Variants in OR9Q2 observed in about 807,000 individuals in gnomAD.
The protein encoded by OR9Q2 is olfactory receptor 9Q2.
In OR9Q2, 2 loss-of-function variants were observed where a neutral mutation model predicts 2.3. The ratio of observed to expected loss-of-function variants is 0.85; its 90% CI spans 0.35 to 2.68. OR9Q2 has a LOEUF of 2.68. Among genes scored for constraint, OR9Q2 ranks in the 30% most tolerant of loss-of-function variants. OR9Q2 has a pLI of 0.10. For synonymous variants in OR9Q2, 178 were observed against 158.6 expected (o/e 1.12, Z -0.92); for missense variants, 404 against 395.7 (o/e 1.02, Z -0.18).
chr11:58,193,293 G>A lies in OR9Q2; in HGVS notation c.*1858G>A, dbSNP rs1338589748. On this transcript the variant is annotated 3_prime_UTR_variant, in exon 2 of 2. Coordinates refer to ENST00000641291, the MANE Select transcript of OR9Q2 (RefSeq NM_001005283.3). ...AACAGTCCCTCCTGGGCCCAGATTA[G>A]CTCTAAACCTGGACATTTCCAGGAG... The A allele has an allele frequency of 6.6e-6, 1 of 152,200 alleles. No homozygotes were observed. Among genetic ancestry groups the A allele is most frequent in the African/African-American group, 2.4e-5 (1 of 41,526 alleles). 9.4% of individuals were successfully genotyped at this position (152,200 alleles called of 1,614,324 possible). A position where few individuals can be genotyped will look rare whatever the true frequency, so the allele number is the denominator to read the frequency against.
chr11:58,190,937 C>T lies in OR9Q2; in HGVS notation c.447C>T (p.Tyr149=), dbSNP rs151110433. ...KARWGLVTGA[Y]VAGFFSAFVR... ...GCTGGGGCCTAGTCACTGGGGCTTA[C>T]GTTGCTGGTTTTTTCAGTGCCTTTG... Residue 149 remains tyrosine (Y), a synonymous_variant, in exon 2 of 2, where the codon TAC becomes TAT. Transcript: ENST00000641291. 1.5e-5 allele frequency: 25 copies of T among 1,614,082 alleles called. No homozygotes were observed. Among genetic ancestry groups the T allele is most frequent in the Admixed American group, 5.0e-5 (3 of 60,006 alleles).
chr11:58,191,099 T>C lies in OR9Q2; in HGVS notation c.609T>C (p.Ala203=). ...YTQEVVIIVF[A]LFVMPACILV... ...AGGAAGTGGTGATTATTGTGTTTGC[T>C]CTTTTCGTCATGCCTGCCTGTATCT... The change falls in exon 2 of 2, where the codon GCT becomes GCC. Residue 203 remains alanine (A), a synonymous_variant. Coordinates refer to ENST00000641291, the MANE Select transcript of OR9Q2 (RefSeq NM_001005283.3). 1.9e-6 allele frequency: 3 copies of C among 1,614,226 alleles called. No individual in the cohort carries two copies. Among genetic ancestry groups the C allele is most frequent in the East Asian group, 2.2e-5 (1 of 44,880 alleles).
rs1288913776 is a variant in OR9Q2, at chr11:58,191,206, C to G, written c.716C>G (p.Ser239Cys). The change falls in exon 2 of 2, where the codon TCC (serine) becomes TGC (cysteine). Residue 239 changes from serine to cysteine, a missense_variant. Coordinates refer to ENST00000641291, the MANE Select transcript of OR9Q2 (RefSeq NM_001005283.3). ...GCTGGAGGCCGGGCCAAGACCTTCT[C>G]CACCTGCGCCTCCCACCTCACTGCC... The part of the protein sequence containing the change: ...HSAGGRAKTF[S>C]TCASHLTAVA... The G allele has an allele frequency of 1.2e-6, 2 of 1,614,180 alleles. No homozygotes were observed. Among genetic ancestry groups the G allele is most frequent in the Non-Finnish European group, 1.7e-6 (2 of 1,180,032 alleles).
rs1290577413 is a variant in OR9Q2 at position 58,191,448 on chromosome 11, G to A, written c.*13G>A. 1 of 1,504,870 alleles carries A rather than the reference G, an allele frequency of 6.6e-7. No homozygotes were observed. Among genetic ancestry groups the A allele is most frequent in the Non-Finnish European group, 9.0e-7 (1 of 1,107,754 alleles). 93.2% of individuals were successfully genotyped at this position (1,504,870 alleles called of 1,614,324 possible). ...TAGAAGACCCTAAATGGACCCTTGT[G>A]AAATATATCATTCCTTAGTTTCCCC... is the stretch of plus-strand genomic sequence containing the variant. On this transcript the variant is annotated 3_prime_UTR_variant, in exon 2 of 2. Transcript: ENST00000641291.
chr11:58,189,584 C>T (rs1037997547), intron 1 of OR9Q2, among the ~76,000 whole-genome samples: 1 of 152,176 alleles, frequency 6.6e-6, no homozygotes, highest in Admixed American at 6.5e-5. Flanking sequence ...CCCTCCTTTA[C>T]AGCCCTGTTC....
At position 58,191,172 on chromosome 11, in the gene OR9Q2, A is replaced by C; in HGVS notation, c.682A>C (p.Ile228Leu). ...GTTTATCATTGTGGCCATCCTGCAG[A>C]TCCACTCTGCTGGAGGCCGGGCCAA... is the stretch of plus-strand genomic sequence containing the variant. ...YLFIIVAILQ[I>L]HSAGGRAKTF... is the part of the protein sequence containing the mutation. The change falls in exon 2 of 2, where the codon ATC (isoleucine) becomes CTC (leucine). Residue 228 changes from isoleucine to leucine, a missense_variant. Transcript: ENST00000641291. 1 of 1,613,968 alleles carries C rather than the reference A, an allele frequency of 6.2e-7. No individual in the cohort carries two copies. The highest frequency in any genetic ancestry group is 8.5e-7 in the Non-Finnish European group (1 of 1,179,992).
At position 58,190,715 on chromosome 11, in the gene OR9Q2, C is replaced by T. The variant is rs148643067; in HGVS notation, c.225C>T (p.Ser75=). The part of the protein sequence containing the change: ...HLSLVDICYS[S]AIIPQMLAVL... The stretch of plus-strand genomic sequence containing the variant: ...CCTTGGTGGACATCTGCTACTCGTC[C>T]GCCATCATCCCTCAGATGCTGGCTG... The change falls in exon 2 of 2, where the codon TCC becomes TCT. Residue 75 remains serine (S), a synonymous_variant. Coordinates refer to ENST00000641291, the MANE Select transcript of OR9Q2 (RefSeq NM_001005283.3). The T allele has an allele frequency of 9.0e-5, 145 of 1,614,206 alleles. No homozygotes were observed. The African/African-American group carries it at 1.7e-3, about 19-fold the overall frequency.
Position 58,191,281 on chromosome 11 carries a change from C to T in OR9Q2, c.791C>T (p.Thr264Ile), listed in dbSNP as rs766149062. ...ATCTTCATGTACCTGCGAGACAACACAGGCCAGTCCTCCGAGGGAGACCGA... is the reference window on the plus strand; with the variant it reads ...ATCTTCATGTACCTGCGAGACAACATAGGCCAGTCCTCCGAGGGAGACCGA... ...TLIFMYLRDN[T>I]GQSSEGDRVV... is the part of the protein sequence containing the mutation. Residue 264 changes from threonine to isoleucine, a missense_variant, in exon 2 of 2, where the codon ACA (threonine) becomes ATA (isoleucine). Transcript: ENST00000641291. 3.7e-6 allele frequency: 6 copies of T among 1,614,152 alleles called. No homozygotes were observed. In the South Asian group the frequency reaches 6.6e-5, roughly 18 times the overall value.
At chr11:58,190,133 G>A (rs556071833) in intron 1 of OR9Q2, among the ~76,000 whole-genome samples, 186 bp from the exon 2 acceptor site, 2 of 152,262 alleles carry the variant, frequency 1.3e-5, no homozygotes, top group African/African-American at 2.4e-5. Context: ...AGCAGGGCAA[G>A]CATTATGATC....
chr11:58,191,600 C>G lies in OR9Q2; in HGVS notation c.*165C>G, dbSNP rs1854766014. 3 of 538,968 alleles carry G rather than the reference C, an allele frequency of 5.6e-6. No homozygotes were observed. Among genetic ancestry groups the G allele is most frequent in the Non-Finnish European group, 9.9e-6 (3 of 303,960 alleles). 33.4% of individuals were successfully genotyped at this position (538,968 alleles called of 1,614,324 possible). A position where few individuals can be genotyped will look rare whatever the true frequency, so the allele number is the denominator to read the frequency against. On this transcript the variant is annotated 3_prime_UTR_variant, in exon 2 of 2. Transcript: ENST00000641291. ...TATTCCATGTAATACTTATCATCAT[C>G]TGACATATTAGATGTTATATGTGTT...
Position 58,190,944 on chromosome 11 carries a change from G to T in OR9Q2, c.454G>T (p.Gly152Cys). 1 of 1,614,172 alleles carries T rather than the reference G, an allele frequency of 6.2e-7. No individual in the cohort carries two copies. Residue 152 changes from glycine to cysteine, a missense_variant, in exon 2 of 2, where the codon GGT becomes TGT. Coordinates refer to ENST00000641291, the MANE Select transcript of OR9Q2 (RefSeq NM_001005283.3). ...WGLVTGAYVA[G>C]FFSAFVRTVT... The stretch of plus-strand genomic sequence containing the variant: ...CCTAGTCACTGGGGCTTACGTTGCT[G>T]GTTTTTTCAGTGCCTTTGTTCGAAC...
rs78125584 is a variant in OR9Q2, at chr11:58,190,103, C to T, written c.-172-216C>T. ...GTGCTTTTGCCTCTGTTTTAACCTA[C>T]GCATTAATCTTATCTCATAAGCAGG... On this transcript the variant is annotated intron_variant, in intron 1 of 1. Coordinates refer to ENST00000641291, the MANE Select transcript of OR9Q2 (RefSeq NM_001005283.3). 1.4e-3 allele frequency among the ~76,000 whole-genome samples: 212 copies of T among 152,208 alleles called. 3 individuals are homozygous for T. The East Asian group carries it at 0.037, about 26-fold the overall frequency.
chr11:58,191,112 C>T lies in OR9Q2; in HGVS notation c.622C>T (p.Pro208Ser), dbSNP rs749884572. 368 of 1,614,046 alleles carry T rather than the reference C, an allele frequency of 2.3e-4. No individual in the cohort carries two copies. Among genetic ancestry groups the T allele is most frequent in the Non-Finnish European group, 2.9e-4 (345 of 1,180,044 alleles). The change falls in exon 2 of 2, where the codon CCT becomes TCT. Residue 208 changes from proline (P) to serine (S), a missense_variant. Physicochemically the swap from Pro to Ser is moderately conservative, Grantham distance 74. Coordinates refer to ENST00000641291, the MANE Select transcript of OR9Q2 (RefSeq NM_001005283.3). The part of the protein sequence containing the change: ...VIIVFALFVM[P>S]ACILVILVSY... Reference sequence around the variant, plus strand: ...TATTGTGTTTGCTCTTTTCGTCATGCCTGCCTGTATCTTGGTGATCTTGGT... The same window carrying T: ...TATTGTGTTTGCTCTTTTCGTCATGTCTGCCTGTATCTTGGTGATCTTGGT...
chr11:58,191,533 C>A lies in OR9Q2; in HGVS notation c.*98C>A. On this transcript the variant is annotated 3_prime_UTR_variant, in exon 2 of 2. Transcript: ENST00000641291. The stretch of plus-strand genomic sequence containing the variant: ...AGAGACTTTCCTAAATAACCCTATG[C>A]AAAATCGCACCTGAACTTCCCACCT... 3 of 773,578 alleles carry A rather than the reference C, an allele frequency of 3.9e-6. No individual in the cohort carries two copies. Among genetic ancestry groups the A allele is most frequent in the Non-Finnish European group, 6.2e-6 (3 of 487,570 alleles). 47.9% of individuals were successfully genotyped at this position (773,578 alleles called of 1,614,324 possible).
chr11:58,193,261 T>C lies in OR9Q2; in HGVS notation c.*1826T>C, dbSNP rs1221179328. 2 of 152,144 alleles carry C rather than the reference T, an allele frequency of 1.3e-5. No homozygotes were observed. Among genetic ancestry groups the C allele is most frequent in the Admixed American group, 1.3e-4 (2 of 15,272 alleles). 9.4% of individuals were successfully genotyped at this position (152,144 alleles called of 1,614,324 possible). ...TCTCTGGGCCTCTTTATTGAAGAAC[T>C]GTCTGGAACAGTCCCTCCTGGGCCC... On this transcript the variant is annotated 3_prime_UTR_variant, in exon 2 of 2. Coordinates refer to ENST00000641291, the MANE Select transcript of OR9Q2 (RefSeq NM_001005283.3).
Position 58,190,556 on chromosome 11 carries a change from G to A in OR9Q2, c.66G>A (p.Gln22=), listed in dbSNP as rs1554973802. 3 of 1,614,130 alleles carry A rather than the reference G, an allele frequency of 1.9e-6. No individual in the cohort carries two copies. In the Admixed American group the frequency reaches 5.0e-5, roughly 27 times the overall value. The change falls in exon 2 of 2, where the codon CAG becomes CAA. Residue 22 remains glutamine, a synonymous_variant. Coordinates refer to ENST00000641291, the MANE Select transcript of OR9Q2 (RefSeq NM_001005283.3). The part of the protein sequence containing the change: ...FFLTAFTEHL[Q]WRVPLFLIFL... ...TTACTGCATTTACTGAACATCTCCA[G>A]TGGAGGGTTCCTCTCTTCCTCATAT...
Position 58,192,281 on chromosome 11 carries a change from G to A in OR9Q2, c.*846G>A, listed in dbSNP as rs1041729339. ...TTATCTCTGCTTTATAGGTAGGTGA[G>A]GCACTTGAGGCTTAGAGATGTTGAG... On this transcript the variant is annotated 3_prime_UTR_variant, in exon 2 of 2. Coordinates refer to ENST00000641291, the MANE Select transcript of OR9Q2 (RefSeq NM_001005283.3). 13 of 152,210 alleles carry A rather than the reference G, an allele frequency of 8.5e-5. No homozygotes were observed. The highest frequency in any genetic ancestry group is 3.1e-4 in the African/African-American group (13 of 41,530). The allele number at this position is 152,210 out of a possible 1,614,324, so 9.4% of individuals were successfully genotyped here. A position where few individuals can be genotyped will look rare whatever the true frequency, so the allele number is the denominator to read the frequency against.
chr11:58,190,281 T>C (rs1352970885), intron 1 of OR9Q2, 38 bp from the exon 2 acceptor site: 2 of 544,568 alleles, frequency 3.7e-6, no homozygotes, highest in Non-Finnish European at 6.5e-6. Flanking sequence ...GTTCTTTCTA[T>C]AATAGAAGCA....
Position 58,193,289 on chromosome 11 carries a change from A to T in OR9Q2, c.*1854A>T, listed in dbSNP as rs1854781464. 1 of 152,168 alleles carries T rather than the reference A, an allele frequency of 6.6e-6. No individual in the cohort carries two copies. The highest frequency in any genetic ancestry group is 6.5e-5 in the Admixed American group (1 of 15,282). 9.4% of individuals were successfully genotyped at this position (152,168 alleles called of 1,614,324 possible). A position where few individuals can be genotyped will look rare whatever the true frequency, so the allele number is the denominator to read the frequency against. The stretch of plus-strand genomic sequence containing the variant: ...CTGGAACAGTCCCTCCTGGGCCCAG[A>T]TTAGCTCTAAACCTGGACATTTCCA... On this transcript the variant is annotated 3_prime_UTR_variant, in exon 2 of 2. Coordinates refer to ENST00000641291, the MANE Select transcript of OR9Q2 (RefSeq NM_001005283.3).
Sources: gnomAD v4.1 joint callset for allele counts (sites outside exome capture counted in the v4.1 genomes callset) on GRCh38, gnomAD v4.1.1 for gene constraint, MANE v1.5 for transcripts, NCBI Gene and HGNC (gene_info 2026-07-23, HGNC 2026-07-21) for gene names.